Variants in SEMA5A observed in about 807,000 individuals in gnomAD.
SEMA5A encodes semaphorin 5A.
Under a neutral mutation model 135.5 loss-of-function variants are expected in SEMA5A, and 55 were observed. The ratio of observed to expected loss-of-function variants is 0.41; its 90% confidence interval spans 0.33 to 0.51. The LOEUF is 0.51. SEMA5A is among the 20% of genes least tolerant of loss of function. The probability of loss-of-function intolerance (pLI) is 0.37; values close to 1 mark genes in which losing one functional copy is unlikely to be tolerated. For synonymous variants in SEMA5A, 580 were observed against 546.5 expected (o/e 1.06, Z -0.85); for missense variants, 1,290 against 1,419.9 (o/e 0.91, Z 1.47).
At chr5:9,268,663 A>T (rs1485234711) in intron 5 of SEMA5A, among the ~76,000 whole-genome samples, 1 of 152,180 alleles carries the variant, frequency 6.6e-6, no homozygotes, top group African/African-American at 2.4e-5. Flanking sequence ...TGAGCAAAAG[A>T]TAATTAGATG....
intron 5 of SEMA5A, among the ~76,000 whole-genome samples, chr5:9,245,496 G>A (rs1261573273): frequency 6.6e-6 from 1 of 152,122 alleles, no homozygotes; most frequent in East Asian, 1.9e-4. Flanking sequence ...AAGCATTTCT[G>A]TATTTTGTTT....
At chr5:9,477,163 C>T (rs1045188814) in intron 1 of SEMA5A, among the ~76,000 whole-genome samples, 1 of 152,090 alleles carries the variant, frequency 6.6e-6, no homozygotes, top group Non-Finnish European at 1.5e-5. Flanking sequence ...CTCTTTTCCC[C>T]TTCATCTTCT....
intron 5 of SEMA5A, among the ~76,000 whole-genome samples, chr5:9,274,819 C>A (rs902210878): frequency 6.6e-6 from 1 of 152,082 alleles, no homozygotes; most frequent in African/African-American, 2.4e-5. Context: ...ATCTCTGGGA[C>A]ACATTTAAAG....
chr5:9,072,263 TC>T (rs1016496427), intron 16 of SEMA5A, among the ~76,000 whole-genome samples: 2 of 152,142 alleles, frequency 1.3e-5, no homozygotes, highest in African/African-American at 4.8e-5. Context: ...TTGAGAAGGT[TC>T]CCAGGCCACA....
chr5:9,110,886 G>A (rs1038296638), intron 15 of SEMA5A, among the ~76,000 whole-genome samples: 4 of 152,084 alleles, frequency 2.6e-5, no homozygotes, highest in Admixed American at 1.3e-4. Flanking sequence ...ATTCCTACAC[G>A]TAGTAGGGGA....
chr5:9,352,809 T>C (rs1754186287), intron 3 of SEMA5A, among the ~76,000 whole-genome samples: 1 of 152,166 alleles, frequency 6.6e-6, no homozygotes, highest in Non-Finnish European at 1.5e-5. Flanking sequence ...AACACAGCCA[T>C]GCCCATTGTT....
chr5:9,193,435 G>A (rs1270586626), intron 10 of SEMA5A, among the ~76,000 whole-genome samples: 2 of 152,166 alleles, frequency 1.3e-5, no homozygotes, highest in African/African-American at 4.8e-5. Context: ...TTTTTTAAAT[G>A]ATAATAAATA....
chr5:9,340,065 A>G (rs994591227), intron 3 of SEMA5A, among the ~76,000 whole-genome samples: 2 of 108,972 alleles, frequency 1.8e-5, no homozygotes, highest in African/African-American at 5.9e-5. Context: ...GGCTTTAGAG[A>G]AAGATAGTAA....
At chr5:9,540,961 C>T (rs1259044062) in intron 1 of SEMA5A, among the ~76,000 whole-genome samples, 2 of 152,176 alleles carry the variant, frequency 1.3e-5, no homozygotes, top group South Asian at 2.1e-4. Flanking sequence ...ATAGAAGTTT[C>T]GGTTTTATGA....
Position 9,491,177 on chromosome 5 carries a change from C to T in SEMA5A, c.-174-53325G>A, listed in dbSNP as rs577779869. Among the ~76,000 whole-genome samples, 209 of 152,196 alleles carry T rather than the reference C, an allele frequency of 1.4e-3. 3 individuals are homozygous for T. The South Asian group carries it at 0.016, about 12-fold the overall frequency. On this transcript the variant is annotated intron_variant, in intron 1 of 22. Coordinates refer to ENST00000382496, the MANE Select transcript of SEMA5A (RefSeq NM_003966.3). Reference sequence around the variant, plus strand: ...AACGGTCATACTTATATGACACACACCCATTTGCCTCAGTTTCCCCCACTA... The same window carrying T: ...AACGGTCATACTTATATGACACACATCCATTTGCCTCAGTTTCCCCCACTA...
intron 11 of SEMA5A, among the ~76,000 whole-genome samples, chr5:9,159,550 AC>A (rs67844445): frequency 0.55 from 83,602 of 151,942 alleles, 25,740 homozygotes; most frequent in Middle Eastern, 0.76. Context: ...AAGTCCAGAA[AC>A]AACAGATGCT....
At chr5:9,483,109 A>G (rs1177083838) in intron 1 of SEMA5A, among the ~76,000 whole-genome samples, 2 of 152,156 alleles carry the variant, frequency 1.3e-5, no homozygotes, top group Non-Finnish European at 2.9e-5. Flanking sequence ...TTTGCTGTTC[A>G]TGGCATTTAG....
At chr5:9,062,838 C>A in intron 18 of SEMA5A, 49 bp downstream of exon 18, 2 of 1,594,250 alleles carry the variant, frequency 1.3e-6, no homozygotes, top group African/African-American at 1.3e-5. Flanking sequence ...GAAGACTCTC[C>A]AAGGCCCTTG....
At chr5:9,248,194 A>T (rs1482236808) in intron 5 of SEMA5A, among the ~76,000 whole-genome samples, 1 of 152,196 alleles carries the variant, frequency 6.6e-6, no homozygotes, top group East Asian at 1.9e-4. Context: ...TGAGAATAAG[A>T]GTTGGTGAAT....
intron 16 of SEMA5A, among the ~76,000 whole-genome samples, chr5:9,077,170 C>T (rs1369593262): frequency 6.6e-6 from 1 of 152,062 alleles, no homozygotes; most frequent in Non-Finnish European, 1.5e-5. Context: ...CCAACAAAGG[C>T]CATATAAGAG....
At chr5:9,192,953 TG>T (rs1561006055) in intron 10 of SEMA5A, among the ~76,000 whole-genome samples, 1 of 151,978 alleles carries the variant, frequency 6.6e-6, no homozygotes, top group African/African-American at 2.4e-5. Context: ...CCAGAAAAAT[TG>T]GACACCTAAC....
chr5:9,152,797 C>T (rs761915813), intron 12 of SEMA5A, among the ~76,000 whole-genome samples: 7 of 152,210 alleles, frequency 4.6e-5, no homozygotes, highest in Non-Finnish European at 7.3e-5. Flanking sequence ...CAGGGCTGGG[C>T]GCAGTGGCAC....
chr5:9,300,250 A>T (rs549065562), intron 5 of SEMA5A, among the ~76,000 whole-genome samples: 9 of 151,900 alleles, frequency 5.9e-5, no homozygotes, highest in Admixed American at 5.9e-4. Context: ...CTGGTCTCAA[A>T]CTCCTGGGTT....
At chr5:9,342,680 A>G (rs1753702358) in intron 3 of SEMA5A, among the ~76,000 whole-genome samples, 1 of 152,228 alleles carries the variant, frequency 6.6e-6, no homozygotes, top group Non-Finnish European at 1.5e-5. Flanking sequence ...TCATGACAAA[A>G]TAACGCTAAC....
Sources: gnomAD v4.1 joint callset for allele counts (sites outside exome capture counted in the v4.1 genomes callset) on GRCh38, gnomAD v4.1.1 for gene constraint, MANE v1.5 for transcripts, NCBI Gene and HGNC (gene_info 2026-07-23, HGNC 2026-07-21) for gene names.